Variants in KHDRBS2 observed in about 807,000 individuals in gnomAD.
KHDRBS2 encodes KH domain-containing, RNA-binding, signal transduction-associated protein 2.
In KHDRBS2, 26 loss-of-function variants were observed where a neutral mutation model predicts 44.3. The observed-to-expected ratio is 0.59, with a 90% confidence interval of 0.43 to 0.81. The LOEUF is 0.81. Among genes scored for constraint, KHDRBS2 ranks in the 40% least tolerant of loss-of-function variants. The probability of loss-of-function intolerance (pLI) is 0.00; values close to 1 mark genes in which losing one functional copy is unlikely to be tolerated. For missense variants in KHDRBS2, 476 were observed against 433.1 expected, an observed-to-expected ratio of 1.10 and a Z score of -0.88; for synonymous variants, 194 against 151.1, an observed-to-expected ratio of 1.28 and a Z score of -2.08.
At chr6:62,029,112 T>G (rs2127289973) in intron 3 of KHDRBS2, among the ~76,000 whole-genome samples, 1 of 152,092 alleles carries the variant, frequency 6.6e-6, no homozygotes, top group Non-Finnish European at 1.5e-5. Flanking sequence ...ATAATTTACC[T>G]AAGTATGGGT....
At chr6:61,927,655 A>T (rs1475878206) in intron 4 of KHDRBS2, among the ~76,000 whole-genome samples, 6 of 152,176 alleles carry the variant, frequency 3.9e-5, no homozygotes. Context: ...ACACCCTAAA[A>T]ATTTGGTAGC....
chr6:62,066,817 T>C (rs892130068), intron 2 of KHDRBS2, among the ~76,000 whole-genome samples: 13 of 151,634 alleles, frequency 8.6e-5, no homozygotes, highest in African/African-American at 3.1e-4. Context: ...CATTTTAAAA[T>C]AAGTAACTGC....
chr6:62,008,264 C>T (rs913016286), intron 3 of KHDRBS2, among the ~76,000 whole-genome samples: 1 of 152,036 alleles, frequency 6.6e-6, no homozygotes, highest in African/African-American at 2.4e-5. Context: ...GGTTTTGTCA[C>T]ATGAGAGGAA....
rs543616610 is a variant in KHDRBS2, at chr6:61,764,552, A to G, written c.811-31788T>C. ...TTGCCAGCATCTGTTGTTTCTTGAC[A>G]TTTTAATAATTGCCATTCTGACTTG... On this transcript the variant is annotated intron_variant, in intron 6 of 8. Transcript: ENST00000281156. Among the ~76,000 whole-genome samples, 131 of 152,184 alleles carry G rather than the reference A, an allele frequency of 8.6e-4. 1 individual carries two copies. The highest frequency in any genetic ancestry group is 3.1e-3 in the African/African-American group (130 of 41,538).
At chr6:61,568,778 C>T in the KHDRBS2 span, among the ~76,000 whole-genome samples, 11 of 152,284 alleles carry the variant, frequency 7.2e-5, no homozygotes, top group East Asian at 2.1e-3. Flanking sequence ...AGCTCAAGCC[C>T]AGGGAAGCCA....
chr6:61,806,510 A>C (rs917165798), intron 6 of KHDRBS2, among the ~76,000 whole-genome samples: 1 of 152,174 alleles, frequency 6.6e-6, no homozygotes, highest in Non-Finnish European at 1.5e-5. Flanking sequence ...AGCCATTCCC[A>C]AATGCAAATG....
the KHDRBS2 span, among the ~76,000 whole-genome samples, chr6:61,598,837 C>CT: frequency 0.069 from 4,498 of 65,510 alleles, 93 homozygotes; most frequent in South Asian, 0.12. Context: ...TTTTTCTTTT[C>CT]TTTTTTTTTT....
the KHDRBS2 span, among the ~76,000 whole-genome samples, chr6:61,662,716 G>C: frequency 2.0e-5 from 3 of 151,984 alleles, no homozygotes; most frequent in African/African-American, 7.2e-5. Flanking sequence ...TCTCACACCA[G>C]TTAGAATGGC....
At chr6:62,017,934 A>G (rs1781509091) in intron 3 of KHDRBS2, among the ~76,000 whole-genome samples, 1 of 151,994 alleles carries the variant, frequency 6.6e-6, no homozygotes, top group South Asian at 2.1e-4. Context: ...ATTTGATATA[A>G]AAAATTTATT....
chr6:61,958,743 AT>A (rs945064845), intron 4 of KHDRBS2, among the ~76,000 whole-genome samples: 1 of 152,038 alleles, frequency 6.6e-6, no homozygotes, highest in African/African-American at 2.4e-5. Context: ...CTAATGTCTT[AT>A]TTTTTGCTGT....
At chr6:62,095,920 A>G (rs1800497908) in intron 2 of KHDRBS2, among the ~76,000 whole-genome samples, 1 of 151,938 alleles carries the variant, frequency 6.6e-6, no homozygotes, top group South Asian at 2.1e-4. Flanking sequence ...GAAAGCGTCT[A>G]TCATAAAGGG....
At chr6:62,249,089 G>C (rs1836105448) in intron 1 of KHDRBS2, among the ~76,000 whole-genome samples, 1 of 152,038 alleles carries the variant, frequency 6.6e-6, no homozygotes, top group Non-Finnish European at 1.5e-5. Context: ...TGAAGAATCT[G>C]TTTCAAAAGA....
Position 61,917,939 on chromosome 6 carries a change from C to T in KHDRBS2, c.484-16568G>A, listed in dbSNP as rs563416381. ...CATATTGCTAAATAAGTACTTTCTC[C>T]CTCCTCTTTAGGGATAGGAAGATAT... is the stretch of plus-strand genomic sequence containing the variant. On this transcript the variant is annotated intron_variant, in intron 4 of 8. Coordinates refer to ENST00000281156, the MANE Select transcript of KHDRBS2 (RefSeq NM_152688.4). 5.9e-5 allele frequency among the ~76,000 whole-genome samples: 9 copies of T among 152,086 alleles called. 1 individual carries two copies. In the South Asian group the frequency reaches 1.9e-3, roughly 32 times the overall value.
At chr6:61,734,294 T>C (rs886700967) in intron 6 of KHDRBS2, among the ~76,000 whole-genome samples, 2 of 152,128 alleles carry the variant, frequency 1.3e-5, no homozygotes, top group Non-Finnish European at 2.9e-5. Flanking sequence ...TTAAATTTTG[T>C]TCAATGTTCT....
chr6:61,586,609 T>C, the KHDRBS2 span, among the ~76,000 whole-genome samples: 2 of 152,198 alleles, frequency 1.3e-5, no homozygotes, highest in Non-Finnish European at 2.9e-5. Context: ...TTTTTCTTGA[T>C]ATCAATCTAT....
At chr6:62,179,249 T>A (rs1369566497) in intron 1 of KHDRBS2, among the ~76,000 whole-genome samples, 2 of 151,664 alleles carry the variant, frequency 1.3e-5, no homozygotes, top group African/African-American at 4.8e-5. Flanking sequence ...AATCATCTTA[T>A]CAGTTACACG....
intron 4 of KHDRBS2, among the ~76,000 whole-genome samples, chr6:61,909,964 G>T (rs1466950728): frequency 6.6e-6 from 1 of 152,190 alleles, no homozygotes; most frequent in African/African-American, 2.4e-5. Flanking sequence ...CTCAGCTCTG[G>T]CAATGCCAAG....
chr6:62,037,433 T>A (rs1404666484), intron 3 of KHDRBS2, among the ~76,000 whole-genome samples: 1 of 149,402 alleles, frequency 6.7e-6, no homozygotes, highest in Non-Finnish European at 1.5e-5. Flanking sequence ...GAAAAAAAAA[T>A]ATTCTGATAA....
At chr6:61,778,451 A>T (rs1419543006) in intron 6 of KHDRBS2, among the ~76,000 whole-genome samples, 1 of 152,178 alleles carries the variant, frequency 6.6e-6, no homozygotes, top group East Asian at 1.9e-4. Flanking sequence ...GGCTTATCTC[A>T]CAAGAAATTC....
Sources: allele counts gnomAD v4.1 joint callset (sites outside exome capture counted in the v4.1 genomes callset), GRCh38; gene constraint gnomAD v4.1.1; transcripts MANE v1.5; gene names NCBI Gene and HGNC (gene_info 2026-07-23, HGNC 2026-07-21).